Variants in BCL2 observed in about 807,000 individuals in gnomAD.
The protein encoded by BCL2 is BCL2 apoptosis regulator.
A neutral mutation model predicts 14.2 loss-of-function variants in BCL2; 1 was observed. That is an observed-to-expected ratio of 0.07 (90% confidence interval 0.02 to 0.33). The LOEUF is 0.33. Among genes scored for constraint, BCL2 ranks in the 10% least tolerant of loss-of-function variants. The probability of loss-of-function intolerance (pLI) is 0.99; values close to 1 mark genes in which losing one functional copy is unlikely to be tolerated. For synonymous variants in BCL2, 151 were observed against 137.2 expected (o/e 1.10, Z -0.70); for missense variants, 247 against 305.9 (o/e 0.81, Z 1.44).
In BCL2 at chr18:63,228,501, T is replaced by A. The variant is rs541953525; in HGVS notation, c.585+89581A>T. On this transcript the variant is annotated intron_variant, in intron 2 of 2. Coordinates refer to ENST00000333681, the MANE Select transcript of BCL2 (RefSeq NM_000633.3). ...ACTATACCACCTGACAAATTATATA[T>A]TTTGTTTGTTTATTATCTGTGATCT... Among the ~76,000 whole-genome samples the A allele has an allele frequency of 6.8e-5, 10 of 146,254 alleles. No homozygotes were observed. In the South Asian group the frequency reaches 2.0e-3, roughly 29 times the overall value.
intron 2 of BCL2, among the ~76,000 whole-genome samples, chr18:63,218,260 C>T (rs974336436): frequency 2.0e-5 from 3 of 151,966 alleles, no homozygotes; most frequent in Non-Finnish European, 2.9e-5. Flanking sequence ...TTTCTGAGTC[C>T]CCTCTTGGTG....
At chr18:63,217,272 C>T (rs879911461) in intron 2 of BCL2, among the ~76,000 whole-genome samples, 4 of 152,080 alleles carry the variant, frequency 2.6e-5, no homozygotes, top group Non-Finnish European at 2.9e-5. Context: ...ACAAAGAAAC[C>T]GAAAGGCATT....
intron 2 of BCL2, among the ~76,000 whole-genome samples, chr18:63,194,814 G>T (rs529059130): frequency 6.6e-6 from 1 of 152,166 alleles, no homozygotes; most frequent in African/African-American, 2.4e-5. Context: ...AGGGTTCCTG[G>T]ATCAGCAGTA....
At chr18:63,296,754 A>G (rs1053661335) in intron 2 of BCL2, among the ~76,000 whole-genome samples, 3 of 152,252 alleles carry the variant, frequency 2.0e-5, no homozygotes, top group Non-Finnish European at 4.4e-5. Context: ...AAGAACATGA[A>G]TATGAATGAA....
At chr18:63,218,627 TC>T (rs377649348) in intron 2 of BCL2, among the ~76,000 whole-genome samples, 1 of 1,380 alleles carries the variant, frequency 7.2e-4, no homozygotes, top group Non-Finnish European at 1.5e-3. Flanking sequence ...CCTCCACTCA[TC>T]CCATCCACTC....
chr18:63,198,761 TGACACAGA>T (rs1909558161), intron 2 of BCL2, among the ~76,000 whole-genome samples: 2 of 19,772 alleles, frequency 1.0e-4, no homozygotes, highest in African/African-American at 2.0e-4. Flanking sequence ...AGACACACAC[TGACACAGA>T]GACACACAGA....
intron 2 of BCL2, among the ~76,000 whole-genome samples, chr18:63,163,477 C>T (rs191197105): frequency 1.3e-5 from 2 of 152,114 alleles, no homozygotes; most frequent in Non-Finnish European, 2.9e-5. Context: ...GATGAAGCAA[C>T]CTTTAGATTG....
At chr18:63,217,875 T>A (rs1043733567) in intron 2 of BCL2, among the ~76,000 whole-genome samples, 1 of 152,208 alleles carries the variant, frequency 6.6e-6, no homozygotes, top group African/African-American at 2.4e-5. Context: ...GTGTTCACTT[T>A]AAGCAAAATG....
intron 2 of BCL2, among the ~76,000 whole-genome samples, chr18:63,185,270 T>C (rs1481275525): frequency 6.6e-6 from 1 of 152,252 alleles, no homozygotes; most frequent in South Asian, 2.1e-4. Flanking sequence ...AGTATTTCTA[T>C]GGAAAAGCAG....
At chr18:63,148,076 G>A (rs1207978770) in intron 2 of BCL2, among the ~76,000 whole-genome samples, 1 of 152,120 alleles carries the variant, frequency 6.6e-6, no homozygotes, top group Non-Finnish European at 1.5e-5. Flanking sequence ...TGTTTTTCAA[G>A]CTTCAGAAGA....
chr18:63,215,157 G>C (rs1203130617), intron 2 of BCL2, among the ~76,000 whole-genome samples: 5 of 152,124 alleles, frequency 3.3e-5, no homozygotes, highest in Admixed American at 2.6e-4. Context: ...ATTTCAAATG[G>C]ACAAGGCATC....
chr18:63,303,107 G>A (rs1913016094), intron 2 of BCL2, among the ~76,000 whole-genome samples: 1 of 152,072 alleles, frequency 6.6e-6, no homozygotes, highest in Admixed American at 6.6e-5. Flanking sequence ...AAGAGTGAAG[G>A]GAAAAGGATC....
intron 2 of BCL2, among the ~76,000 whole-genome samples, chr18:63,187,976 T>A (rs181008538): frequency 3.7e-4 from 56 of 152,314 alleles, no homozygotes; most frequent in African/African-American, 1.3e-3. Context: ...CCCCTGCTCA[T>A]AGGGCTGGCG....
rs1913540427 is a variant in BCL2, at chr18:63,317,719, C to T, written c.585+363G>A. ...TTCATAAGCAGTCCCTGAAACCTCC[C>T]TCCGGTTCCAACAAGCTGCTCAAGC... On this transcript the variant is annotated intron_variant, in intron 2 of 2. Coordinates refer to ENST00000333681, the MANE Select transcript of BCL2 (RefSeq NM_000633.3). 6 of 1,120,166 alleles carry T rather than the reference C, an allele frequency of 5.4e-6. No homozygotes were observed. The South Asian group carries it at 2.1e-4, about 40-fold the overall frequency. The allele number at this position is 1,120,166 out of a possible 1,614,324, so 69.4% of individuals were successfully genotyped here. A position where few individuals can be genotyped will look rare whatever the true frequency, so the allele number is the denominator to read the frequency against.
intron 2 of BCL2, among the ~76,000 whole-genome samples, chr18:63,217,903 C>T (rs1331305121): frequency 1.3e-5 from 2 of 152,122 alleles, no homozygotes; most frequent in Non-Finnish European, 2.9e-5. Context: ...ATAGGTTAGT[C>T]CTATGGGTTC....
At chr18:63,271,809 G>T (rs905940783) in intron 2 of BCL2, among the ~76,000 whole-genome samples, 2 of 152,202 alleles carry the variant, frequency 1.3e-5, no homozygotes, top group African/African-American at 2.4e-5. Context: ...CTGACCTGGA[G>T]GTTTATGCTT....
chr18:63,163,746 C>T (rs369543510), intron 2 of BCL2, among the ~76,000 whole-genome samples: 1 of 152,328 alleles, frequency 6.6e-6, no homozygotes, highest in Non-Finnish European at 1.5e-5. Context: ...TCTTAAACTT[C>T]ATAGTGACTT....
At chr18:63,300,924 T>G (rs1318816188) in intron 2 of BCL2, among the ~76,000 whole-genome samples, 3 of 152,194 alleles carry the variant, frequency 2.0e-5, no homozygotes, top group Non-Finnish European at 4.4e-5. Flanking sequence ...CAATTCTAAT[T>G]TAATATATTT....
chr18:63,219,220 A>G (rs1021645930), intron 2 of BCL2, among the ~76,000 whole-genome samples: 1 of 152,128 alleles, frequency 6.6e-6, no homozygotes, highest in African/African-American at 2.4e-5. Flanking sequence ...TGTTCCTACC[A>G]TGTGGAACAG....
Sources: gnomAD v4.1 joint callset for allele counts (sites outside exome capture counted in the v4.1 genomes callset) on GRCh38, gnomAD v4.1.1 for gene constraint, MANE v1.5 for transcripts, NCBI Gene and HGNC (gene_info 2026-07-23, HGNC 2026-07-21) for gene names.